The following SP140 variants were observed in gnomAD, a reference collection of about 807,000 sequenced individuals.
The protein encoded by SP140 is nuclear body protein SP140.
Under a neutral mutation model 125.0 loss-of-function variants are expected in SP140, and 81 were observed. The ratio of observed to expected loss-of-function variants is 0.65; its 90% confidence interval spans 0.54 to 0.78. The LOEUF is 0.78. Among genes scored for constraint, SP140 ranks in the 30% least tolerant of loss-of-function variants. SP140 has a pLI of 0.00. For synonymous variants in SP140, 312 were observed against 354.0 expected (o/e 0.88, Z 1.33); for missense variants, 858 against 1,037.0 (o/e 0.83, Z 2.37).
At chr2:230,238,765 T>G in intron 3 of SP140, 2 of 1,549,996 alleles carry the variant, frequency 1.3e-6, no homozygotes, top group Non-Finnish European at 1.7e-6. Context: ...TATTAGAAAA[T>G]TTATCATCCA....
intron 22 of SP140, among the ~76,000 whole-genome samples, chr2:230,308,798 G>A (rs1478090073): frequency 6.6e-6 from 1 of 152,222 alleles, no homozygotes. Context: ...AGCCGGCGGA[G>A]GACTTGTAGA....
intron 3 of SP140, among the ~76,000 whole-genome samples, chr2:230,217,777 G>T (rs2045383916): frequency 6.6e-6 from 1 of 152,218 alleles, no homozygotes; most frequent in South Asian, 2.1e-4. Flanking sequence ...TAAACAAGAT[G>T]ACCTGGGCTA....
chr2:230,262,420 A>AT (rs551458271), intron 12 of SP140, among the ~76,000 whole-genome samples: 2 of 151,156 alleles, frequency 1.3e-5, no homozygotes, highest in East Asian at 1.9e-4. Context: ...TATCGTTTGT[A>AT]TTTTTTTTAT....
At chr2:230,241,721 G>A (rs1196862481) in intron 4 of SP140, among the ~76,000 whole-genome samples, 1 of 152,196 alleles carries the variant, frequency 6.6e-6, no homozygotes, top group African/African-American at 2.4e-5. Context: ...TATAAGAAGA[G>A]AAAATGGGAA....
the SP140 span, among the ~76,000 whole-genome samples, chr2:230,196,688 C>A: frequency 6.6e-6 from 1 of 151,588 alleles, no homozygotes; most frequent in Non-Finnish European, 1.5e-5. Context: ...GCTATCCCTC[C>A]CTCCTCCCCG....
At chr2:230,194,047 G>A in the SP140 span, among the ~76,000 whole-genome samples, 1 of 152,148 alleles carries the variant, frequency 6.6e-6, no homozygotes, top group Non-Finnish European at 1.5e-5. Context: ...GGGGAACTAG[G>A]AAGAAGAGGC....
At chr2:230,218,976 G>C (rs1401412128) in intron 3 of SP140, among the ~76,000 whole-genome samples, 1 of 152,230 alleles carries the variant, frequency 6.6e-6, no homozygotes, top group African/African-American at 2.4e-5. Flanking sequence ...TGTAATCCCA[G>C]CACTTTGGGA....
intron 5 of SP140, among the ~76,000 whole-genome samples, chr2:230,244,652 A>G (rs950385737): frequency 3.9e-5 from 6 of 152,198 alleles, no homozygotes; most frequent in African/African-American, 1.4e-4. Context: ...ACCAGAAAGA[A>G]AAATGGAGAC....
intron 26 of SP140, 30 bp from the exon 27 acceptor site, chr2:230,312,556 G>A (rs1177629914): frequency 3.5e-6 from 5 of 1,432,622 alleles, no homozygotes; most frequent in African/African-American, 2.8e-5. Flanking sequence ...ATGATGAGGA[G>A]CATTGTTTTT....
chr2:230,238,859 A>G lies in SP140; in HGVS notation c.406+478A>G, dbSNP rs764814329. 22 of 1,553,092 alleles carry G rather than the reference A, an allele frequency of 1.4e-5. 1 individual carries two copies. The South Asian group carries it at 2.5e-4, about 18-fold the overall frequency. ...CCTAGCACATACTGGTACACTGAGG[A>G]GGAGCTGCATGTGAAAGCTATGAAG... is the stretch of plus-strand genomic sequence containing the variant. On this transcript the variant is annotated intron_variant, in intron 3 of 26. Transcript: ENST00000392045.
chr2:230,305,733 G>A (rs1442873873), intron 22 of SP140, among the ~76,000 whole-genome samples: 5 of 152,164 alleles, frequency 3.3e-5, no homozygotes, highest in Non-Finnish European at 5.9e-5. Flanking sequence ...TGGGAGTGGC[G>A]CCCACTTCCA....
chr2:230,308,354 C>A (rs1342090413), intron 22 of SP140, among the ~76,000 whole-genome samples: 1 of 151,968 alleles, frequency 6.6e-6, no homozygotes, highest in African/African-American at 2.4e-5. Context: ...ATCCATGTAA[C>A]CAAAAACCAC....
At chr2:230,257,212 G>T (rs1410617960) in intron 12 of SP140, among the ~76,000 whole-genome samples, 1 of 151,902 alleles carries the variant, frequency 6.6e-6, no homozygotes, top group Non-Finnish European at 1.5e-5. Flanking sequence ...AACAAATAAA[G>T]AAAGATTAGG....
intron 8 of SP140, among the ~76,000 whole-genome samples, chr2:230,248,448 G>A (rs2149200116): frequency 6.6e-6 from 1 of 152,188 alleles, no homozygotes; most frequent in African/African-American, 2.4e-5. Context: ...AGTGGACCAG[G>A]GATCAATGTA....
At chr2:230,235,653 C>T (rs2047865664) in intron 1 of SP140, among the ~76,000 whole-genome samples, 1 of 152,056 alleles carries the variant, frequency 6.6e-6, no homozygotes, top group African/African-American at 2.4e-5. Flanking sequence ...TTTAGAAATA[C>T]AGATAAATTT....
At chr2:230,201,018 C>A (rs2043131105), upstream of SP140, 2 of 1,395,660 alleles carry the variant, frequency 1.4e-6, no homozygotes, top group Non-Finnish European at 2.0e-6. Flanking sequence ...CATGGAGAAT[C>A]TCCCAGAGAC....
chr2:230,214,515 T>C (rs971423413), intron 3 of SP140, among the ~76,000 whole-genome samples: 4 of 152,202 alleles, frequency 2.6e-5, no homozygotes, highest in Non-Finnish European at 5.9e-5. Flanking sequence ...GTTTTAAAGA[T>C]GATGTGAGAT....
chr2:230,237,864 G>A lies in SP140; in HGVS notation c.238-349G>A, dbSNP rs1196562092. On this transcript the variant is annotated intron_variant, in intron 2 of 26. Coordinates refer to ENST00000392045, the MANE Select transcript of SP140 (RefSeq NM_007237.5). The surrounding 1 kb of genome is among the most constrained non-coding windows in gnomAD (Gnocchi z 5.4). ...CTGGTTGATTGGTTTCCTGGAGCTCGTCAGGCCAGGCCAATCCTAGTAGTG... is the reference window on the plus strand; with the variant it reads ...CTGGTTGATTGGTTTCCTGGAGCTCATCAGGCCAGGCCAATCCTAGTAGTG... 1.3e-5 allele frequency among the ~76,000 whole-genome samples: 2 copies of A among 152,154 alleles called. No individual in the cohort carries two copies. The highest frequency in any genetic ancestry group is 1.9e-4 in the East Asian group (1 of 5,192).
chr2:230,233,592 G>A (rs2047563189), intron 1 of SP140, among the ~76,000 whole-genome samples: 3 of 151,946 alleles, frequency 2.0e-5, no homozygotes, highest in Admixed American at 6.6e-5. Flanking sequence ...TGCTATTTAC[G>A]ATATTAGAAA....
Sources: gnomAD v4.1 joint callset for allele counts (sites outside exome capture counted in the v4.1 genomes callset) on GRCh38, gnomAD v4.1.1 for gene constraint, Gnocchi (gnomAD v3.1) non-coding constraint, MANE v1.5 for transcripts, NCBI Gene and HGNC (gene_info 2026-07-23, HGNC 2026-07-21) for gene names.